The following GALK2 variants were observed in gnomAD, a reference collection of about 807,000 sequenced individuals.
GALK2 encodes the protein galactokinase 2.
In GALK2, 36 loss-of-function variants were observed where a neutral mutation model predicts 52.4. The observed-to-expected ratio is 0.69, with a 90% CI of 0.53 to 0.91. The LOEUF (loss-of-function observed/expected upper bound fraction) is 0.91, where lower values mean the gene tolerates loss of function less well. Among genes scored for constraint, GALK2 ranks in the 40% least tolerant of loss-of-function variants. GALK2 has a pLI of 0.00. For missense variants in GALK2, 579 were observed against 559.1 expected (o/e 1.04, Z -0.36); for synonymous variants, 176 against 199.1 (o/e 0.88, Z 0.98).
At chr15:49,237,971 G>C (rs2090914764) in intron 4 of GALK2, among the ~76,000 whole-genome samples, 3 of 152,108 alleles carry the variant, frequency 2.0e-5, no homozygotes, top group Admixed American at 2.0e-4. Context: ...TTGAAATCAG[G>C]AAGAGAAGTA....
intron 3 of GALK2, among the ~76,000 whole-genome samples, chr15:49,228,503 A>C (rs181441701): frequency 6.7e-6 from 1 of 148,930 alleles, no homozygotes; most frequent in Non-Finnish European, 1.5e-5. Flanking sequence ...GATCTAGTTT[A>C]TTGTTGAGGC....
chr15:49,180,781 A>T (rs1409256187), intron 1 of GALK2, among the ~76,000 whole-genome samples: 1 of 151,940 alleles, frequency 6.6e-6, no homozygotes, highest in East Asian at 1.9e-4. Context: ...GCTTCACCGT[A>T]CCCCACCTGT....
chr15:49,202,325 C>G (rs149411437), intron 2 of GALK2, among the ~76,000 whole-genome samples: 1 of 152,044 alleles, frequency 6.6e-6, no homozygotes. Context: ...GTTAACTGAC[C>G]TCTCCCTACC....
chr15:49,344,107 C>T (rs2041126486), intron 3 of GALK2: 1 of 152,084 alleles, frequency 6.6e-6, no homozygotes, highest in African/African-American at 2.4e-5. Flanking sequence ...GCAGCGAAAA[C>T]TAAACCTTAT....
At chr15:49,231,311 A>G (rs2090490784) in intron 3 of GALK2, among the ~76,000 whole-genome samples, 2 of 152,210 alleles carry the variant, frequency 1.3e-5, no homozygotes, top group African/African-American at 4.8e-5. Flanking sequence ...AAGTCAAGTG[A>G]GAACTGTATC....
chr15:49,183,218 T>C (rs1459498857), intron 1 of GALK2, among the ~76,000 whole-genome samples: 1 of 152,158 alleles, frequency 6.6e-6, no homozygotes, highest in Non-Finnish European at 1.5e-5. Context: ...CGGGTTTGGC[T>C]TTCTCTTGTC....
chr15:49,267,276 G>T (rs2141670416), intron 5 of GALK2, among the ~76,000 whole-genome samples: 1 of 152,288 alleles, frequency 6.6e-6, no homozygotes. Context: ...TGACCTAAAA[G>T]GATTCTTGCT....
chr15:49,333,104 C>G (rs1235399058), downstream of GALK2, among the ~76,000 whole-genome samples: 1 of 152,112 alleles, frequency 6.6e-6, no homozygotes, highest in African/African-American at 2.4e-5. Context: ...AAATCACTCC[C>G]TCTTCCAAGT....
At chr15:49,278,268 C>G (rs1432541483) in intron 5 of GALK2, among the ~76,000 whole-genome samples, 2 of 152,114 alleles carry the variant, frequency 1.3e-5, no homozygotes, top group Non-Finnish European at 2.9e-5. Context: ...CTCAAAAAAA[C>G]AAAAACAAAA....
At chr15:49,367,076 A>C (rs1217793190) in intron 3 of GALK2, among the ~76,000 whole-genome samples, 1 of 152,226 alleles carries the variant, frequency 6.6e-6, no homozygotes, top group Non-Finnish European at 1.5e-5. Context: ...CCACAGCTAA[A>C]ACATGCCTAA....
chr15:49,326,341 A>C (rs577756750), intron 9 of GALK2, among the ~76,000 whole-genome samples: 1 of 148,794 alleles, frequency 6.7e-6, no homozygotes, highest in East Asian at 2.0e-4. Flanking sequence ...GCTCACTGCA[A>C]CCTCCACCTC....
At chr15:49,186,691 A>G (rs1326782908) in intron 1 of GALK2, among the ~76,000 whole-genome samples, 1 of 151,828 alleles carries the variant, frequency 6.6e-6, no homozygotes, top group Non-Finnish European at 1.5e-5. Flanking sequence ...GGTGTGCACT[A>G]CCACACCCAG....
chr15:49,344,651 A>G (rs547007091), intron 3 of GALK2, among the ~76,000 whole-genome samples: 191 of 152,302 alleles, frequency 1.3e-3, no homozygotes, highest in Admixed American at 3.7e-3. Context: ...ATAATTGAAA[A>G]TAGAGGTGGT....
chr15:49,361,700 T>C (rs1288330867), intron 3 of GALK2, among the ~76,000 whole-genome samples: 2 of 152,188 alleles, frequency 1.3e-5, no homozygotes, highest in Non-Finnish European at 2.9e-5. Context: ...AGTGTTGCAA[T>C]GAGCATACGC....
intron 3 of GALK2, among the ~76,000 whole-genome samples, chr15:49,226,445 A>G (rs1305922664): frequency 6.6e-6 from 1 of 152,118 alleles, no homozygotes; most frequent in Admixed American, 6.5e-5. Context: ...AGATTTGCTC[A>G]AAGTTTATTA....
At chr15:49,351,060 T>G (rs1431473077) in intron 3 of GALK2, among the ~76,000 whole-genome samples, 1 of 152,192 alleles carries the variant, frequency 6.6e-6, no homozygotes, top group East Asian at 1.9e-4. Context: ...TGGTTTGAGC[T>G]CTACAATCAA....
At chr15:49,316,279 A>G (rs753392696) in intron 8 of GALK2, among the ~76,000 whole-genome samples, 36 of 152,222 alleles carry the variant, frequency 2.4e-4, no homozygotes, top group Admixed American at 4.6e-4. Context: ...TAGGTGTGAT[A>G]ATGATATAGT....
rs76591526 is a variant in GALK2, at chr15:49,362,491, C to T, written c.427-5000C>T. On this transcript the variant is annotated intron_variant, in intron 3 of 3. Transcript: ENST00000558399. ...TAGTTCTTTATAGCAGCATGAAAAC[C>T]GACTAATACACTTATAGATTCTGGA... Among the ~76,000 whole-genome samples the T allele has an allele frequency of 5.8e-3, 873 of 150,646 alleles. 6 individuals are homozygous for T. Among genetic ancestry groups the T allele is most frequent in the African/African-American group, 0.02 (829 of 41,300 alleles).
At chr15:49,274,486 G>C (rs2031309776) in intron 5 of GALK2, among the ~76,000 whole-genome samples, 1 of 152,192 alleles carries the variant, frequency 6.6e-6, no homozygotes, top group Non-Finnish European at 1.5e-5. Context: ...TGAGTGGTGA[G>C]TGAATGTGAA....
Sources: allele counts gnomAD v4.1 joint callset (sites outside exome capture counted in the v4.1 genomes callset), GRCh38; gene constraint gnomAD v4.1.1; transcripts MANE v1.5; gene names NCBI Gene and HGNC (gene_info 2026-07-23, HGNC 2026-07-21).